The following NEK6 variants were observed in gnomAD, a reference collection of about 807,000 sequenced individuals.
NEK6 encodes NIMA related kinase 6.
In NEK6, 27 loss-of-function variants were observed where a neutral mutation model predicts 43.5. That is an observed-to-expected ratio of 0.62 (90% CI 0.46 to 0.86). The LOEUF is 0.86. Among genes scored for constraint, NEK6 ranks in the 40% least tolerant of loss-of-function variants. The probability of loss-of-function intolerance (pLI) is 0.00; values close to 1 mark genes in which losing one functional copy is unlikely to be tolerated. For missense variants in NEK6, 318 were observed against 414.4 expected, an observed-to-expected ratio of 0.77 and a Z score of 2.02; for synonymous variants, 167 against 164.1, an observed-to-expected ratio of 1.02 and a Z score of -0.14.
chr9:124,286,650 G>A (rs1718968131), intron 1 of NEK6, among the ~76,000 whole-genome samples: 3 of 152,336 alleles, frequency 2.0e-5, no homozygotes, highest in East Asian at 3.9e-4. Flanking sequence ...TCCTTGCAGT[G>A]CTCCTGGGCT....
intron 4 of NEK6, among the ~76,000 whole-genome samples, chr9:124,320,368 A>C (rs1013841143): frequency 1.3e-5 from 2 of 152,182 alleles, no homozygotes; most frequent in Non-Finnish European, 2.9e-5. Flanking sequence ...TGAATGAATG[A>C]ATAGGGGCTT....
intron 1 of NEK6, among the ~76,000 whole-genome samples, chr9:124,289,004 G>A (rs1289014632): frequency 6.6e-6 from 1 of 151,992 alleles, no homozygotes; most frequent in Non-Finnish European, 1.5e-5. Flanking sequence ...TTTTTAGAAA[G>A]AGGGTCTTGC....
At position 124,350,981 on chromosome 9, in the gene NEK6, C is replaced by A; in HGVS notation, c.*34C>A. 1 of 1,494,994 alleles carries A rather than the reference C, an allele frequency of 6.7e-7. No homozygotes were observed. The highest frequency in any genetic ancestry group is 9.2e-7 in the Non-Finnish European group (1 of 1,081,810). The allele number at this position is 1,494,994 out of a possible 1,614,324, so 92.6% of individuals were successfully genotyped here. On this transcript the variant is annotated 3_prime_UTR_variant, in exon 10 of 10. Coordinates refer to ENST00000320246, the MANE Select transcript of NEK6 (RefSeq NM_014397.6). Reference sequence around the variant, plus strand: ...GCACCGTGCCTTATCAAAGCCAGCACCACTTTGCCTTACTTGAGTCGTCTT... The same window carrying A: ...GCACCGTGCCTTATCAAAGCCAGCAACACTTTGCCTTACTTGAGTCGTCTT...
At chr9:124,322,147 G>T (rs893991190) in intron 5 of NEK6, among the ~76,000 whole-genome samples, 5 of 152,158 alleles carry the variant, frequency 3.3e-5, no homozygotes, top group African/African-American at 1.2e-4. Context: ...CTCTTTTCCT[G>T]GCCTGGGACC....
intron 8 of NEK6, among the ~76,000 whole-genome samples, chr9:124,341,686 C>T (rs1359941963): frequency 6.6e-6 from 1 of 152,110 alleles, no homozygotes; most frequent in African/African-American, 2.4e-5. Context: ...TGTCTCTCCA[C>T]AGCCCAGCTC....
intron 2 of NEK6, among the ~76,000 whole-genome samples, chr9:124,304,637 G>C (rs1413891670): frequency 3.9e-5 from 6 of 152,130 alleles, no homozygotes; most frequent in Admixed American, 2.6e-4. Flanking sequence ...ATAGCTAAAG[G>C]CCTCCGAGCT....
rs907949540 is a variant in NEK6, at chr9:124,324,554, C to T, written c.406-1776C>T. Among the ~76,000 whole-genome samples, 3 of 152,196 alleles carry T rather than the reference C, an allele frequency of 2.0e-5. No individual in the cohort carries two copies. The highest frequency in any genetic ancestry group is 6.5e-5 in the Admixed American group (1 of 15,288). On this transcript the variant is annotated intron_variant, in intron 5 of 9. Coordinates refer to ENST00000320246, the MANE Select transcript of NEK6 (RefSeq NM_014397.6). The surrounding 1 kb of genome is among the most constrained non-coding windows in gnomAD (Gnocchi z 5.3). ...TAGAAAATCACCACTCTCGGCCACG[C>T]GCGTCCCTGCTTAAATGCTGTAATG... is the stretch of plus-strand genomic sequence containing the variant.
intron 1 of NEK6, chr9:124,261,534 C>T (rs942475762): frequency 3.0e-6 from 3 of 985,362 alleles, no homozygotes; most frequent in African/African-American, 1.7e-5. Context: ...ATGTCACCTT[C>T]ACGGGCCTGA....
intron 9 of NEK6, among the ~76,000 whole-genome samples, chr9:124,350,415 G>A (rs527538329): frequency 7.2e-5 from 11 of 152,292 alleles, no homozygotes; most frequent in African/African-American, 2.6e-4. Context: ...CTGCAGCCCT[G>A]CTGCATGTTA....
intron 1 of NEK6, among the ~76,000 whole-genome samples, chr9:124,292,261 C>T (rs1468100351): frequency 6.6e-6 from 1 of 152,192 alleles, no homozygotes; most frequent in Non-Finnish European, 1.5e-5. Context: ...GGTGGGGCTG[C>T]CCATTCAGCC....
chr9:124,258,397 C>A, intron 1 of NEK6: 2 of 954,106 alleles, frequency 2.1e-6, no homozygotes, highest in Non-Finnish European at 2.5e-6. Flanking sequence ...TGGCTCCCCG[C>A]TACCCACTTC....
intron 1 of NEK6, among the ~76,000 whole-genome samples, chr9:124,258,761 C>G (rs1377682957): frequency 6.6e-6 from 1 of 152,224 alleles, no homozygotes; most frequent in African/African-American, 2.4e-5. Flanking sequence ...AGGGCAGACT[C>G]AGAGCCTGGC....
intron 1 of NEK6, among the ~76,000 whole-genome samples, chr9:124,274,057 G>T (rs73666846): frequency 0.027 from 4,183 of 152,316 alleles, 187 homozygotes; most frequent in African/African-American, 0.094. Context: ...GGGCCCTTTG[G>T]AACTGTCTTG....
intron 1 of NEK6, among the ~76,000 whole-genome samples, chr9:124,267,714 G>A (rs76898326): frequency 0.014 from 2,096 of 152,334 alleles, 47 homozygotes; most frequent in African/African-American, 0.048. Context: ...CCTGTGACCA[G>A]GTTTCATGAT....
intron 1 of NEK6, chr9:124,292,649 A>G: frequency 7.1e-7 from 1 of 1,403,238 alleles, no homozygotes; most frequent in South Asian, 1.3e-5. Flanking sequence ...TCTGAAATCC[A>G]TCCCTTCCCT....
At chr9:124,325,764 G>A (rs1834303169) in intron 5 of NEK6, among the ~76,000 whole-genome samples, 1 of 152,238 alleles carries the variant, frequency 6.6e-6, no homozygotes, top group Admixed American at 6.5e-5. Flanking sequence ...GTTGGAACTG[G>A]GGTTCCTTTT....
At chr9:124,276,433 G>A (rs911025517) in intron 1 of NEK6, among the ~76,000 whole-genome samples, 5 of 152,192 alleles carry the variant, frequency 3.3e-5, no homozygotes, top group East Asian at 1.9e-4. Flanking sequence ...GGGTGAGGCC[G>A]AGGCCCACAG....
chr9:124,338,727 C>G (rs1336871380), intron 7 of NEK6, among the ~76,000 whole-genome samples: 1 of 152,216 alleles, frequency 6.6e-6, no homozygotes, highest in Admixed American at 6.5e-5. Context: ...TCCTGCCACT[C>G]TCGTGCAAAC....
chr9:124,287,339 A>G (rs1256269442), intron 1 of NEK6, among the ~76,000 whole-genome samples: 1 of 152,232 alleles, frequency 6.6e-6, no homozygotes, highest in Non-Finnish European at 1.5e-5. Context: ...GGCCTGGAGC[A>G]CGACGTAGGC....
Sources: allele counts gnomAD v4.1 joint callset (sites outside exome capture counted in the v4.1 genomes callset), GRCh38; gene constraint gnomAD v4.1.1; non-coding constraint Gnocchi (gnomAD v3.1); transcripts MANE v1.5; gene names NCBI Gene and HGNC (gene_info 2026-07-23, HGNC 2026-07-21).